The following TPPP variants were observed in gnomAD, a reference collection of about 807,000 sequenced individuals.
TPPP encodes the protein tubulin polymerization-promoting protein.
A neutral mutation model predicts 15.5 loss-of-function variants in TPPP; 6 were observed. That is an observed-to-expected ratio of 0.39 (90% CI 0.21 to 0.77). The LOEUF is 0.77. Ranked by LOEUF, TPPP falls within the 30% of genes least tolerant of loss-of-function variation. The probability of loss-of-function intolerance (pLI) is 0.42; values close to 1 mark genes in which losing one functional copy is unlikely to be tolerated. For synonymous variants in TPPP, 146 were observed against 133.9 expected (o/e 1.09, Z -0.63); for missense variants, 269 against 307.2 (o/e 0.88, Z 0.93).
chr5:700,703 C>T, the TPPP span, among the ~76,000 whole-genome samples: 2 of 151,904 alleles, frequency 1.3e-5, no homozygotes, highest in South Asian at 2.1e-4. Context: ...TTATGCAGCT[C>T]GTCATAAATC....
chr5:693,446 G>A (rs1419987469), upstream of TPPP: 1 of 143,794 alleles, frequency 7.0e-6, no homozygotes, highest in Admixed American at 6.9e-5. Flanking sequence ...AGCGTCCGGC[G>A]CCCGCCCAGC....
intron 1 of TPPP, among the ~76,000 whole-genome samples, chr5:683,736 G>A (rs553099427): frequency 1.8e-4 from 27 of 152,402 alleles, no homozygotes; most frequent in African/African-American, 6.2e-4. Flanking sequence ...GGAGGGGTGG[G>A]GGCCGAGGCG....
intron 2 of TPPP, among the ~76,000 whole-genome samples, chr5:674,018 C>T (rs2126889917): frequency 6.6e-6 from 1 of 152,384 alleles, no homozygotes; most frequent in Middle Eastern, 3.4e-3. Context: ...GAAGGAATCA[C>T]AGCCGGCACT....
At chr5:699,387 A>T in the TPPP span, among the ~76,000 whole-genome samples, 1 of 152,092 alleles carries the variant, frequency 6.6e-6, no homozygotes, top group African/African-American at 2.4e-5. Context: ...CCTTTTCAAT[A>T]AATGGTGCTG....
chr5:691,541 G>A (rs1367884288), intron 1 of TPPP, among the ~76,000 whole-genome samples: 1 of 103,522 alleles, frequency 9.7e-6, no homozygotes, highest in Non-Finnish European at 2.1e-5. Context: ...GAGAGGGAAC[G>A]CAACACCCCA....
chr5:677,703 G>T, intron 2 of TPPP, 47 bp downstream of exon 2: 1 of 1,499,746 alleles, frequency 6.7e-7, no homozygotes, highest in Non-Finnish European at 8.9e-7. Flanking sequence ...CAGGGCCGCA[G>T]ACCCCCGTAA....
intron 1 of TPPP, among the ~76,000 whole-genome samples, chr5:685,506 G>T (rs1433699878): frequency 6.6e-6 from 1 of 152,236 alleles, no homozygotes; most frequent in African/African-American, 2.4e-5. Flanking sequence ...CACTCCTAAG[G>T]CTCATGGGGT....
At position 685,733 on chromosome 5, in the gene TPPP, C is replaced by T. The variant is rs114147256; in HGVS notation, c.-5+7545G>A. Among the ~76,000 whole-genome samples the T allele has an allele frequency of 9.9e-3, 1,506 of 152,328 alleles. 29 individuals are homozygous for T. The highest frequency in any genetic ancestry group is 0.034 in the African/African-American group (1,433 of 41,580). ...CATCTGCAGAGTGTGGTCCTTGCAG[C>T]GCCCAGCGTGGCCACTCTGGGGACG... is the stretch of plus-strand genomic sequence containing the variant. On this transcript the variant is annotated intron_variant, in intron 1 of 3. Transcript: ENST00000360578.
chr5:677,496 G>A (rs983775618), intron 2 of TPPP, among the ~76,000 whole-genome samples: 1 of 152,144 alleles, frequency 6.6e-6, no homozygotes, highest in African/African-American at 2.4e-5. Context: ...ACACACCCAC[G>A]GGGCTGAGAG....
intron 2 of TPPP, among the ~76,000 whole-genome samples, chr5:674,044 G>A (rs920173745): frequency 5.3e-5 from 8 of 152,196 alleles, no homozygotes; most frequent in East Asian, 1.9e-4. Context: ...TGGTGTGTCC[G>A]GGCCAGCGCC....
chr5:678,960 G>T (rs1390290396), intron 1 of TPPP, among the ~76,000 whole-genome samples: 2 of 152,070 alleles, frequency 1.3e-5, no homozygotes, highest in Non-Finnish European at 2.9e-5. Flanking sequence ...CAAGGCTGAG[G>T]TGCTGGACTC....
intron 2 of TPPP, among the ~76,000 whole-genome samples, chr5:674,947 G>C (rs956035175): frequency 2.0e-5 from 3 of 151,164 alleles, no homozygotes; most frequent in African/African-American, 7.3e-5. Context: ...ACAGTCCTGA[G>C]GGAGGTGCAG....
rs1409165695 is a variant in TPPP, at chr5:664,675, G to GT, written c.*426dup. On this transcript the variant is annotated 3_prime_UTR_variant, in exon 4 of 4. Coordinates refer to ENST00000360578, the MANE Select transcript of TPPP (RefSeq NM_007030.3). Reference sequence around the variant, plus strand: ...ACGTCCGGTGTGGGGCCAATTCCGTGTTAGTTGCCTGCTGGTTGGGGTTAG... The same window carrying GT: ...ACGTCCGGTGTGGGGCCAATTCCGTGTTTAGTTGCCTGCTGGTTGGGGTTAG... The GT allele has an allele frequency of 5.5e-6, 1 of 181,394 alleles. No homozygotes were observed. The highest frequency in any genetic ancestry group is 2.4e-5 in the African/African-American group (1 of 42,226). The allele number at this position is 181,394 out of a possible 1,614,324, so 11.2% of individuals were successfully genotyped here.
chr5:672,956 C>G (rs932645485), intron 2 of TPPP, among the ~76,000 whole-genome samples: 1 of 152,240 alleles, frequency 6.6e-6, no homozygotes, highest in African/African-American at 2.4e-5. Flanking sequence ...CGCAGATACC[C>G]CGAGCTGGCG....
intron 2 of TPPP, among the ~76,000 whole-genome samples, chr5:669,404 C>G (rs1358840056): frequency 6.6e-6 from 1 of 152,182 alleles, no homozygotes; most frequent in Admixed American, 6.5e-5. Flanking sequence ...CTAGAAGAGC[C>G]AGGCCACCCC....
intron 2 of TPPP, among the ~76,000 whole-genome samples, chr5:675,554 G>C (rs1400970764): frequency 2.0e-4 from 27 of 135,332 alleles, no homozygotes; most frequent in African/African-American, 6.9e-4. Context: ...GTGGCCGGGG[G>C]TGCAGTGTGG....
intron 2 of TPPP, among the ~76,000 whole-genome samples, chr5:677,018 GCACACGTGCACACACGACGCGGAAACGCA>G (rs1412822089): frequency 9.0e-5 from 13 of 144,744 alleles, no homozygotes; most frequent in Non-Finnish European, 1.3e-4. Flanking sequence ...GCAGAAACGC[GCACACGTGCACACACGACGCGGAAACGCA>G]CACACGTGCA....
chr5:699,931 A>G, the TPPP span, among the ~76,000 whole-genome samples: 1 of 151,850 alleles, frequency 6.6e-6, no homozygotes, highest in Non-Finnish European at 1.5e-5. Flanking sequence ...CTATTATTAA[A>G]GTCTAAAAGT....
Position 664,822 on chromosome 5 carries a change from T to G in TPPP, c.*280A>C. 4 of 435,668 alleles carry G rather than the reference T, an allele frequency of 9.2e-6. No individual in the cohort carries two copies. The highest frequency in any genetic ancestry group is 3.0e-5 in the South Asian group (1 of 33,308). 27.0% of individuals were successfully genotyped at this position (435,668 alleles called of 1,614,324 possible). On this transcript the variant is annotated 3_prime_UTR_variant, in exon 4 of 4. Transcript: ENST00000360578. ...TTTGACCTGCAAACCACGTGCCCAG[T>G]GTGGTGTGATCCGCGAGACACTTTG...
Sources: gnomAD v4.1 joint callset for allele counts (sites outside exome capture counted in the v4.1 genomes callset) on GRCh38, gnomAD v4.1.1 for gene constraint, MANE v1.5 for transcripts, NCBI Gene and HGNC (gene_info 2026-07-23, HGNC 2026-07-21) for gene names.